SPOCK1: variants seen among roughly 807,000 people sequenced by gnomAD.
The protein encoded by SPOCK1 is testican-1.
Under a neutral mutation model 55.3 loss-of-function variants are expected in SPOCK1, and 23 were observed. The ratio of observed to expected loss-of-function variants is 0.42; its 90% CI spans 0.30 to 0.59. SPOCK1 has a LOEUF of 0.59. SPOCK1 is among the 20% of genes least tolerant of loss of function. The pLI is 0.22. For missense variants in SPOCK1, 499 were observed against 552.5 expected (o/e 0.90, Z 0.97); for synonymous variants, 226 against 221.0 (o/e 1.02, Z -0.20).
intron 6 of SPOCK1, among the ~76,000 whole-genome samples, chr5:137,018,240 C>T (rs1295170718): frequency 6.6e-6 from 1 of 152,104 alleles, no homozygotes; most frequent in Non-Finnish European, 1.5e-5. Flanking sequence ...GTTGAAAAAC[C>T]CTAGTGTAGA....
chr5:137,493,096 T>G (rs1754222601), intron 2 of SPOCK1, among the ~76,000 whole-genome samples: 4 of 152,214 alleles, frequency 2.6e-5, no homozygotes, highest in Non-Finnish European at 5.9e-5. Context: ...CCTGGAGAGA[T>G]AAGACCAAGT....
Position 137,480,414 on chromosome 5 carries a change from T to C in SPOCK1, c.186+17959A>G, listed in dbSNP as rs1404503212. Among the ~76,000 whole-genome samples the C allele has an allele frequency of 2.0e-5, 3 of 152,014 alleles. 1 individual carries two copies. Among genetic ancestry groups the C allele is most frequent in the Non-Finnish European group, 2.9e-5 (2 of 68,008 alleles). On this transcript the variant is annotated intron_variant, in intron 2 of 10. Transcript: ENST00000394945. The stretch of plus-strand genomic sequence containing the variant: ...ATTGCCCCAAGACAATCAGTTCTAA[T>C]CGGCTCTACCAACTGTGATATACTA...
intron 4 of SPOCK1, among the ~76,000 whole-genome samples, chr5:137,132,174 C>CCAAA (rs1753898828): frequency 1.7e-5 from 1 of 59,214 alleles, no homozygotes; most frequent in South Asian, 7.4e-4. Context: ...GACTCTGTCT[C>CCAAA]AAAAAAAAAA....
At chr5:136,990,798 A>T (rs1441896445) in intron 7 of SPOCK1, among the ~76,000 whole-genome samples, 1 of 152,186 alleles carries the variant, frequency 6.6e-6, no homozygotes, top group Non-Finnish European at 1.5e-5. Context: ...GTCGGCAAAA[A>T]GAAGTGCCAA....
At chr5:137,328,043 A>C (rs1758109232) in intron 2 of SPOCK1, among the ~76,000 whole-genome samples, 1 of 152,258 alleles carries the variant, frequency 6.6e-6, no homozygotes, top group Non-Finnish European at 1.5e-5. Context: ...GCAGCAGCTC[A>C]TCACAGCCTT....
intron 3 of SPOCK1, among the ~76,000 whole-genome samples, chr5:137,245,702 G>A (rs2127102852): frequency 6.6e-6 from 1 of 151,678 alleles, no homozygotes; most frequent in South Asian, 2.1e-4. Flanking sequence ...ACGGTTAGAT[G>A]GCCCAATCAT....
intron 2 of SPOCK1, among the ~76,000 whole-genome samples, chr5:137,433,414 A>C (rs973414052): frequency 6.6e-6 from 1 of 152,222 alleles, no homozygotes; most frequent in African/African-American, 2.4e-5. Flanking sequence ...GTTTGCATCC[A>C]CAGCACCTAG....
intron 2 of SPOCK1, among the ~76,000 whole-genome samples, chr5:137,309,281 A>T (rs907491977): frequency 6.6e-6 from 1 of 152,142 alleles, no homozygotes; most frequent in Non-Finnish European, 1.5e-5. Context: ...CAGAGAGCCC[A>T]TAAGAAAACT....
At chr5:137,277,466 C>T (rs1041350639) in intron 2 of SPOCK1, among the ~76,000 whole-genome samples, 9 of 152,164 alleles carry the variant, frequency 5.9e-5, no homozygotes, top group South Asian at 4.1e-4. Context: ...GTAACCACTA[C>T]ATACTACTGC....
chr5:137,443,923 T>C (rs893874887), intron 2 of SPOCK1, among the ~76,000 whole-genome samples: 1 of 152,170 alleles, frequency 6.6e-6, no homozygotes, highest in Non-Finnish European at 1.5e-5. Context: ...CATCTAAAAG[T>C]AGGACAAAGA....
At chr5:137,485,369 T>C (rs182097340) in intron 2 of SPOCK1, among the ~76,000 whole-genome samples, 12 of 152,330 alleles carry the variant, frequency 7.9e-5, no homozygotes, top group East Asian at 5.8e-4. Context: ...TTTTGTTGAA[T>C]TGGATGTATG....
chr5:137,212,153 C>G (rs1299545573), intron 3 of SPOCK1, among the ~76,000 whole-genome samples: 1 of 152,186 alleles, frequency 6.6e-6, no homozygotes, highest in Non-Finnish European at 1.5e-5. Flanking sequence ...CCAATGGCAA[C>G]TCCAGGTAGA....
At chr5:137,384,175 GC>G (rs1237219095) in intron 2 of SPOCK1, among the ~76,000 whole-genome samples, 1 of 152,220 alleles carries the variant, frequency 6.6e-6, no homozygotes, top group African/African-American at 2.4e-5. Flanking sequence ...TTCCACCTGG[GC>G]CTCTGTATAC....
chr5:137,361,191 A>G (rs1303127373), intron 2 of SPOCK1, among the ~76,000 whole-genome samples: 1 of 152,162 alleles, frequency 6.6e-6, no homozygotes, highest in Non-Finnish European at 1.5e-5. Context: ...ATCTGCCAGC[A>G]CCTTGACCTT....
intron 3 of SPOCK1, among the ~76,000 whole-genome samples, chr5:137,148,623 C>T (rs541637541): frequency 6.6e-6 from 1 of 152,244 alleles, no homozygotes; most frequent in Non-Finnish European, 1.5e-5. Context: ...ACATTACATA[C>T]TCTGTCACCC....
At position 137,072,132 on chromosome 5, in the gene SPOCK1, G is replaced by A. The variant is rs1752632489; in HGVS notation, c.475-4303C>T. ...AAAAACTATGAAACAGCAGCCTCAG[G>A]ATATGAGCAGTTGGACCTAAAGAAC... On this transcript the variant is annotated intron_variant, in intron 5 of 10. Coordinates refer to ENST00000394945, the MANE Select transcript of SPOCK1 (RefSeq NM_004598.4). 2.0e-5 allele frequency among the ~76,000 whole-genome samples: 3 copies of A among 152,188 alleles called. No individual in the cohort carries two copies. In the South Asian group the frequency reaches 6.2e-4, roughly 32 times the overall value.
chr5:137,087,841 G>GA (rs1752985372), intron 5 of SPOCK1, among the ~76,000 whole-genome samples: 2 of 145,176 alleles, frequency 1.4e-5, no homozygotes, highest in Non-Finnish European at 3.0e-5. Flanking sequence ...GGAAGAAACA[G>GA]AAAAAAGTGT....
chr5:137,402,140 G>A (rs1182232024), intron 2 of SPOCK1, among the ~76,000 whole-genome samples: 1 of 152,152 alleles, frequency 6.6e-6, no homozygotes, highest in African/African-American at 2.4e-5. Context: ...GGGAAGACAG[G>A]TTACAAGTGC....
intron 2 of SPOCK1, among the ~76,000 whole-genome samples, chr5:137,442,048 T>C (rs1203347394): frequency 6.6e-6 from 1 of 152,190 alleles, no homozygotes; most frequent in Non-Finnish European, 1.5e-5. Context: ...AAGAACAAAG[T>C]CTGTCAGTGA....
Sources: allele counts gnomAD v4.1 joint callset (sites outside exome capture counted in the v4.1 genomes callset), GRCh38; gene constraint gnomAD v4.1.1; transcripts MANE v1.5; gene names NCBI Gene and HGNC (gene_info 2026-07-23, HGNC 2026-07-21).